The following ASCC3 variants were observed in gnomAD, a reference collection of about 807,000 sequenced individuals.
ASCC3 encodes activating signal cointegrator 1 complex subunit 3.
A neutral mutation model predicts 256.3 loss-of-function variants in ASCC3; 158 were observed. The ratio of observed to expected loss-of-function variants is 0.62; its 90% confidence interval spans 0.54 to 0.70. The LOEUF (loss-of-function observed/expected upper bound fraction) is 0.70, where lower values mean the gene tolerates loss of function less well. ASCC3 is among the 30% of genes least tolerant of loss of function. The pLI, the probability that ASCC3 is intolerant of heterozygous loss-of-function variation, is 0.00. For synonymous variants in ASCC3, 948 were observed against 883.4 expected (o/e 1.07, Z -1.30); for missense variants, 2,259 against 2,626.0 (o/e 0.86, Z 3.05).
At chr6:100,659,210 G>A (rs1360693657) in intron 16 of ASCC3, among the ~76,000 whole-genome samples, 1 of 151,398 alleles carries the variant, frequency 6.6e-6, no homozygotes, top group Non-Finnish European at 1.5e-5. Flanking sequence ...TAGTGCAACT[G>A]TACAGTCTTG....
intron 30 of ASCC3, among the ~76,000 whole-genome samples, chr6:100,609,210 C>A (rs1419648467): frequency 6.6e-6 from 1 of 151,736 alleles, no homozygotes; most frequent in Non-Finnish European, 1.5e-5. Flanking sequence ...TTCCCCATTT[C>A]TTCAACTTCT....
chr6:100,589,709 C>T lies in ASCC3; in HGVS notation c.5475G>A (p.Lys1825=), dbSNP rs765847713. The T allele has an allele frequency of 1.2e-6, 2 of 1,613,638 alleles. No individual in the cohort carries two copies. Among genetic ancestry groups the T allele is most frequent in the African/African-American group, 2.7e-5 (2 of 74,890 alleles). Residue 1825 remains lysine (K), a synonymous_variant, in exon 36 of 42, where the codon AAG becomes AAA. Transcript: ENST00000369162. ...CCTTGAACATTTTAACTGTTTGATG[C>T]TTCAAATAGTAATAGGAGGCAATTC... The part of the protein sequence containing the change: ...YGRIASYYYL[K]HQTVKMFKDR...
At chr6:100,688,394 A>G (rs935547609) in intron 13 of ASCC3, among the ~76,000 whole-genome samples, 1 of 152,216 alleles carries the variant, frequency 6.6e-6, no homozygotes, top group African/African-American at 2.4e-5. Flanking sequence ...TTATGAAAAA[A>G]TCTAAGATTT....
At chr6:100,863,266 G>A (rs374221431) in intron 3 of ASCC3, among the ~76,000 whole-genome samples, 6 of 152,042 alleles carry the variant, frequency 3.9e-5, no homozygotes, top group East Asian at 1.9e-4. Flanking sequence ...ACCTGAGTTC[G>A]TATACAATAT....
intron 36 of ASCC3, among the ~76,000 whole-genome samples, chr6:100,565,422 T>A (rs1770185197): frequency 6.6e-6 from 1 of 152,140 alleles, no homozygotes; most frequent in Non-Finnish European, 1.5e-5. Context: ...CTAATAATAA[T>A]TACTTTATGA....
At chr6:100,572,184 G>A (rs1281479222) in intron 36 of ASCC3, among the ~76,000 whole-genome samples, 5 of 152,138 alleles carry the variant, frequency 3.3e-5, no homozygotes, top group Non-Finnish European at 7.4e-5. Flanking sequence ...TGGGGAGGGG[G>A]TGATTAGGTC....
chr6:100,585,480 T>C (rs1421292601), intron 36 of ASCC3, among the ~76,000 whole-genome samples: 1 of 152,206 alleles, frequency 6.6e-6, no homozygotes, highest in African/African-American at 2.4e-5. Flanking sequence ...TATACATTCG[T>C]CTAAATTTTT....
intron 25 of ASCC3, 150 bp downstream of exon 25, chr6:100,638,451 G>T: frequency 1.6e-6 from 1 of 627,436 alleles, no homozygotes; most frequent in Non-Finnish European, 2.7e-6. Context: ...ATATCTTCAC[G>T]GTATATCTGT....
chr6:100,797,856 T>G (rs1396214147), intron 8 of ASCC3, among the ~76,000 whole-genome samples: 1 of 152,168 alleles, frequency 6.6e-6, no homozygotes, highest in Non-Finnish European at 1.5e-5. Context: ...TAAAATGGAA[T>G]AGTATGTAGT....
Position 100,653,499 on chromosome 6 carries a change from A to T in ASCC3, c.2824-610T>A, listed in dbSNP as rs181495032. Among the ~76,000 whole-genome samples, 356 of 151,676 alleles carry T rather than the reference A, an allele frequency of 2.3e-3. 4 individuals carry two copies. Among genetic ancestry groups the T allele is most frequent in the African/African-American group, 7.7e-3 (321 of 41,450 alleles). On this transcript the variant is annotated intron_variant, in intron 17 of 41. Coordinates refer to ENST00000369162, the MANE Select transcript of ASCC3 (RefSeq NM_006828.4). ...CTAAAAATACAAAAATTAGCTGGGT[A>T]TGGTGGTGCGCGCCTGTAATCCCAG... is the stretch of plus-strand genomic sequence containing the variant.
intron 37 of ASCC3, among the ~76,000 whole-genome samples, chr6:100,524,410 C>A (rs953980753): frequency 1.3e-4 from 20 of 152,020 alleles, no homozygotes; most frequent in Non-Finnish European, 2.1e-4. Flanking sequence ...GATCTTCAGG[C>A]ACTTATCTTT....
intron 25 of ASCC3, among the ~76,000 whole-genome samples, chr6:100,636,522 G>A (rs1285401146): frequency 2.6e-5 from 4 of 152,010 alleles, no homozygotes; most frequent in Non-Finnish European, 5.9e-5. Context: ...GCCTCTAAAT[G>A]TTCGAGTGAA....
intron 37 of ASCC3, among the ~76,000 whole-genome samples, chr6:100,520,433 T>C (rs1034986715): frequency 6.6e-5 from 10 of 150,622 alleles, no homozygotes; most frequent in African/African-American, 2.5e-4. Flanking sequence ...TCCTTCTTCT[T>C]CTTTTTTTTT....
chr6:100,627,803 C>T lies in ASCC3; in HGVS notation c.4521+39G>A, dbSNP rs1774316865. ...CTTAAAAGGAATCATCAAAGTAACA[C>T]TACTAAATAAATGCATAATTTATCA... On this transcript the variant is annotated intron_variant, in intron 28 of 41. Transcript: ENST00000369162. The T allele has an allele frequency of 1.9e-6, 3 of 1,612,558 alleles. No homozygotes were observed. In the South Asian group the frequency reaches 3.3e-5, roughly 18 times the overall value.
At chr6:100,713,936 G>A (rs1039031) in intron 13 of ASCC3, among the ~76,000 whole-genome samples, 71,306 of 151,928 alleles carry the variant, frequency 0.47, 16,921 homozygotes, top group South Asian at 0.61. Context: ...AAGGCTATAC[G>A]GGACATTCCA....
intron 36 of ASCC3, among the ~76,000 whole-genome samples, chr6:100,587,276 A>G (rs1036779569): frequency 6.6e-6 from 1 of 151,712 alleles, no homozygotes; most frequent in African/African-American, 2.4e-5. Context: ...GAGTTCTTTG[A>G]GTCATTTGGT....
intron 4 of ASCC3, among the ~76,000 whole-genome samples, chr6:100,806,171 T>G (rs1395677550): frequency 6.6e-6 from 1 of 152,036 alleles, no homozygotes; most frequent in Non-Finnish European, 1.5e-5. Context: ...TATAACCAAA[T>G]GAAATTCTAA....
chr6:100,854,155 T>C lies in ASCC3; in HGVS notation c.242-5448A>G, dbSNP rs374777294. 5.2e-3 allele frequency among the ~76,000 whole-genome samples: 715 copies of C among 138,792 alleles called. 46 individuals carry two copies. The South Asian group carries it at 0.14, about 26-fold the overall frequency. 91.1% of individuals were successfully genotyped at this position (138,792 alleles called of 152,430 possible). A position where few individuals can be genotyped will look rare whatever the true frequency, so the allele number is the denominator to read the frequency against. ...GATGCTACAAGAACAAGCCAGGTAC[T>C]TTTTTTTTTTTTTTTGAGGGGGAGA... On this transcript the variant is annotated intron_variant, in intron 3 of 41. Coordinates refer to ENST00000369162, the MANE Select transcript of ASCC3 (RefSeq NM_006828.4).
At chr6:100,802,799 A>G (rs181586191) in intron 5 of ASCC3, among the ~76,000 whole-genome samples, 1 of 152,068 alleles carries the variant, frequency 6.6e-6, no homozygotes, top group Non-Finnish European at 1.5e-5. Context: ...TAGTAGTTCA[A>G]GACTACCCTG....
Sources: allele counts gnomAD v4.1 joint callset (sites outside exome capture counted in the v4.1 genomes callset), GRCh38; gene constraint gnomAD v4.1.1; transcripts MANE v1.5; gene names NCBI Gene and HGNC (gene_info 2026-07-23, HGNC 2026-07-21).